RNF135: variants seen among roughly 807,000 people sequenced by gnomAD.
The protein encoded by RNF135 is ring finger protein 135, also known as E3 ubiquitin-protein ligase RNF135.
In RNF135, 46 loss-of-function variants were observed where a neutral mutation model predicts 41.9. The observed-to-expected ratio is 1.10, with a 90% CI of 0.87 to 1.40. The LOEUF (loss-of-function observed/expected upper bound fraction) is 1.40. RNF135 is among the 40% of genes most tolerant of loss of function. The probability of loss-of-function intolerance (pLI) is 0.00; values close to 1 mark genes in which losing one functional copy is unlikely to be tolerated. For missense variants in RNF135, 539 were observed against 549.8 expected (o/e 0.98, Z 0.20); for synonymous variants, 238 against 223.8 (o/e 1.06, Z -0.57).
intron 1 of RNF135, chr17:30,980,176 A>ACCTC (rs1906966728): frequency 2.0e-5 from 2 of 101,406 alleles, no homozygotes; most frequent in Admixed American, 1.1e-4. Flanking sequence ...GGAGCCCCTC[A>ACCTC]CCTCCCGGAT....
At chr17:30,991,933 A>G (rs1428304731) in intron 3 of RNF135, among the ~76,000 whole-genome samples, 1 of 149,798 alleles carries the variant, frequency 6.7e-6, no homozygotes, top group Non-Finnish European at 1.5e-5. Flanking sequence ...AAATTTATGT[A>G]ATTTTTTTTT....
chr17:30,992,192 A>G (rs1472208929), intron 3 of RNF135, among the ~76,000 whole-genome samples: 1 of 151,952 alleles, frequency 6.6e-6, no homozygotes, highest in East Asian at 1.9e-4. Context: ...TTGGCTTCCC[A>G]ATCTGCTGGG....
the RNF135 span, among the ~76,000 whole-genome samples, chr17:30,962,577 T>C: frequency 1.7e-4 from 26 of 152,180 alleles, no homozygotes; most frequent in Admixed American, 1.5e-3. Context: ...GCCATTCTCC[T>C]GCCTCAGCCT....
At chr17:30,984,885 TTTA>T in intron 2 of RNF135, 125 bp downstream of exon 2, 1 of 1,124,632 alleles carries the variant, frequency 8.9e-7, no homozygotes, top group South Asian at 1.3e-5. Context: ...TATTGTTCTC[TTTA>T]CTACCAGACA....
At chr17:30,997,748 A>G (rs953275660) in intron 4 of RNF135, among the ~76,000 whole-genome samples, 6 of 152,166 alleles carry the variant, frequency 3.9e-5, no homozygotes, top group African/African-American at 1.4e-4. Context: ...CAGCAGCTCC[A>G]CTAACTAGCT....
intron 1 of RNF135, chr17:30,975,819 T>C: frequency 1.0e-6 from 1 of 983,356 alleles, no homozygotes; most frequent in Non-Finnish European, 1.6e-6. Context: ...GATGACTTCG[T>C]TGGCCACAGA....
Position 30,971,453 on chromosome 17 carries a change from G to A in RNF135, c.372+8G>A, listed in dbSNP as rs890664521. 6.7e-7 allele frequency: 1 copy of A among 1,493,158 alleles called. No homozygotes were observed. The highest frequency in any genetic ancestry group is 1.3e-5 in the South Asian group (1 of 79,360). 92.5% of individuals were successfully genotyped at this position (1,493,158 alleles called of 1,614,324 possible). On this transcript the variant is annotated splice_region_variant and intron_variant, in intron 1 of 4. Transcript: ENST00000328381. ...CGCCCGGAACTGCAGCGGGTAGGGA[G>A]GCCGGGCCCGCAGCTCCCCTGGCTC...
At chr17:30,969,899 G>A (rs1265504996), upstream of RNF135, among the ~76,000 whole-genome samples, 1 of 151,700 alleles carries the variant, frequency 6.6e-6, no homozygotes, top group Non-Finnish European at 1.5e-5. Flanking sequence ...CAAGTAGCTG[G>A]GATTACAGGC....
At position 30,971,107 on chromosome 17, in the gene RNF135, G is replaced by T. The variant is rs917140306; in HGVS notation, c.34G>T (p.Val12Leu). The T allele has an allele frequency of 5.1e-5, 79 of 1,534,172 alleles. 1 individual carries two copies. Among genetic ancestry groups the T allele is most frequent in the Non-Finnish European group, 6.9e-5 (79 of 1,146,082 alleles). The stretch of plus-strand genomic sequence containing the variant: ...CCTGGGCCTGGGCTCCGCCGTTCCC[G>T]TGTGGCTGGCCGAGGACGACCTCGG... ...AGLGLGSAVP[V>L]WLAEDDLGCI... The change falls in exon 1 of 5, where the codon GTG (valine) becomes TTG (leucine). Residue 12 changes from valine (V) to leucine (L), a missense_variant. Val to Leu is a conservative substitution (Grantham distance 32). Coordinates refer to ENST00000328381, the MANE Select transcript of RNF135 (RefSeq NM_032322.4).
At chr17:30,985,175 T>C (rs1304708062) in intron 2 of RNF135, among the ~76,000 whole-genome samples, 1 of 152,144 alleles carries the variant, frequency 6.6e-6, no homozygotes, top group Admixed American at 6.5e-5. Flanking sequence ...GTTTACAGGC[T>C]CTCTCTCCTC....
intron 2 of RNF135, among the ~76,000 whole-genome samples, chr17:30,986,527 C>T (rs763695254): frequency 6.6e-6 from 1 of 152,122 alleles, no homozygotes; most frequent in Non-Finnish European, 1.5e-5. Flanking sequence ...CCATTGTGTC[C>T]CCAGGCGCTA....
intron 1 of RNF135, among the ~76,000 whole-genome samples, chr17:30,980,968 G>A (rs1304725966): frequency 2.0e-5 from 3 of 148,944 alleles, no homozygotes; most frequent in South Asian, 2.1e-4. Context: ...GGTGGCGGCC[G>A]GGCAGAGGCT....
At chr17:30,978,602 A>T (rs8073811) in intron 1 of RNF135, 26,588 of 148,674 alleles carry the variant, frequency 0.18, 7,385 homozygotes, top group African/African-American at 0.62. Context: ...TTTTTTATTT[A>T]TTTTTTATTT....
intron 2 of RNF135, among the ~76,000 whole-genome samples, chr17:30,987,288 G>T (rs1338465830): frequency 3.3e-5 from 5 of 151,998 alleles, no homozygotes; most frequent in Non-Finnish European, 7.4e-5. Context: ...TAGTGCAGTG[G>T]CATGATCTTC....
chr17:30,965,921 T>C, the RNF135 span, among the ~76,000 whole-genome samples: 1 of 152,122 alleles, frequency 6.6e-6, no homozygotes, highest in Non-Finnish European at 1.5e-5. Flanking sequence ...CTGGAAAACA[T>C]CTCCACCAAT....
intron 3 of RNF135, among the ~76,000 whole-genome samples, chr17:30,994,810 T>C (rs990262315): frequency 2.0e-5 from 3 of 151,312 alleles, no homozygotes; most frequent in African/African-American, 7.3e-5. Context: ...ATTTTTTTTA[T>C]ATTTTTAGTA....
intron 1 of RNF135, among the ~76,000 whole-genome samples, chr17:30,973,535 T>G (rs989241683): frequency 6.6e-6 from 1 of 152,052 alleles, no homozygotes; most frequent in South Asian, 2.1e-4. Context: ...TGACACGATC[T>G]CAGCTCACTG....
rs1477298068 is a variant in RNF135, at chr17:30,988,224, G to C, written c.679+118G>C. On this transcript the variant is annotated intron_variant, in intron 3 of 4. Transcript: ENST00000328381. Reference sequence around the variant, plus strand: ...CCCAGAGTCCAGCTGTATTACCACTGTGGTGTCGTGAATCAGGTAGGGGTG... The same window carrying C: ...CCCAGAGTCCAGCTGTATTACCACTCTGGTGTCGTGAATCAGGTAGGGGTG... 7 of 991,324 alleles carry C rather than the reference G, an allele frequency of 7.1e-6. No homozygotes were observed. In the Admixed American group the frequency reaches 1.2e-4, roughly 17 times the overall value. 61.4% of individuals were successfully genotyped at this position (991,324 alleles called of 1,614,324 possible).
chr17:30,994,968 G>A (rs1908241246), intron 3 of RNF135, among the ~76,000 whole-genome samples: 1 of 151,842 alleles, frequency 6.6e-6, no homozygotes, highest in Non-Finnish European at 1.5e-5. Flanking sequence ...TTTAGGATCA[G>A]GTCTTACTTT....
Sources: gnomAD v4.1 joint callset for allele counts (sites outside exome capture counted in the v4.1 genomes callset) on GRCh38, gnomAD v4.1.1 for gene constraint, MANE v1.5 for transcripts, NCBI Gene and HGNC (gene_info 2026-07-23, HGNC 2026-07-21) for gene names.